The following CNBD1 variants were observed in gnomAD, a reference collection of about 807,000 sequenced individuals.
CNBD1 encodes the protein cyclic nucleotide-binding domain-containing protein 1.
Under a neutral mutation model 54.4 loss-of-function variants are expected in CNBD1, and 71 were observed. The observed-to-expected ratio is 1.30, with a 90% CI of 1.08 to 1.59. The LOEUF (loss-of-function observed/expected upper bound fraction) is 1.59. Ranked by LOEUF, CNBD1 falls within the 40% of genes most tolerant of loss-of-function variation. The pLI, the probability that CNBD1 is intolerant of heterozygous loss-of-function variation, is 0.00. For missense variants in CNBD1, 659 were observed against 518.0 expected (o/e 1.27, Z -2.64); for synonymous variants, 182 against 170.7 (o/e 1.07, Z -0.51).
intron 5 of CNBD1, among the ~76,000 whole-genome samples, chr8:87,231,807 T>A (rs1391554629): frequency 1.3e-5 from 2 of 152,158 alleles, no homozygotes; most frequent in Admixed American, 1.3e-4. Flanking sequence ...TGCATATGTA[T>A]ACCTTAAATG....
chr8:87,048,728 C>T (rs1810252036), intron 4 of CNBD1, among the ~76,000 whole-genome samples: 1 of 152,128 alleles, frequency 6.6e-6, no homozygotes, highest in South Asian at 2.1e-4. Flanking sequence ...ATGGAATGCC[C>T]CTTACTTTTG....
intron 4 of CNBD1, among the ~76,000 whole-genome samples, chr8:86,958,390 C>T (rs1807835084): frequency 6.6e-6 from 1 of 152,152 alleles, no homozygotes; most frequent in Non-Finnish European, 1.5e-5. Flanking sequence ...TCCACATTAA[C>T]TTCCTGTCTT....
At chr8:87,134,234 A>T (rs1399583914) in intron 4 of CNBD1, among the ~76,000 whole-genome samples, 1 of 152,168 alleles carries the variant, frequency 6.6e-6, no homozygotes, top group Non-Finnish European at 1.5e-5. Flanking sequence ...GATTAATATT[A>T]TTCATCAATG....
chr8:87,409,318 C>A (rs1412520767), intron 2 of CNBD1, among the ~76,000 whole-genome samples: 1 of 152,082 alleles, frequency 6.6e-6, no homozygotes, highest in Non-Finnish European at 1.5e-5. Context: ...GCATCTAGAG[C>A]AAGGTCCTAA....
chr8:87,327,964 A>G (rs535458092), intron 8 of CNBD1, among the ~76,000 whole-genome samples: 8 of 151,466 alleles, frequency 5.3e-5, no homozygotes, highest in African/African-American at 1.9e-4. Context: ...GTTGATATCC[A>G]GTTTTTCTTT....
intron 6 of CNBD1, among the ~76,000 whole-genome samples, chr8:87,261,943 C>T (rs1315717074): frequency 6.9e-6 from 1 of 145,072 alleles, no homozygotes; most frequent in Non-Finnish European, 1.5e-5. Flanking sequence ...CTCAGGAGTT[C>T]AAGACTAGTC....
In CNBD1 at chr8:87,221,637, T is replaced by C. The variant is rs142169348; in HGVS notation, c.578-15282T>C. ...ATCATTTTATGTACTCATTTAAGGA[T>C]GTTTGCCTTGTATTGCCTCTTATAA... is the stretch of plus-strand genomic sequence containing the variant. On this transcript the variant is annotated intron_variant, in intron 5 of 10. Coordinates refer to ENST00000518476, the MANE Select transcript of CNBD1 (RefSeq NM_173538.3). Among the ~76,000 whole-genome samples the C allele has an allele frequency of 5.8e-4, 88 of 152,266 alleles. 1 individual carries two copies. The highest frequency in any genetic ancestry group is 4.2e-3 in the Admixed American group (64 of 15,284).
At chr8:87,296,822 T>C (rs1227908752) in intron 8 of CNBD1, among the ~76,000 whole-genome samples, 1 of 152,002 alleles carries the variant, frequency 6.6e-6, no homozygotes, top group Admixed American at 6.6e-5. Flanking sequence ...GGCTGACACT[T>C]ACAGAAATAT....
intron 10 of CNBD1, among the ~76,000 whole-genome samples, chr8:87,354,042 T>A (rs557614769): frequency 5.9e-5 from 9 of 152,130 alleles, no homozygotes; most frequent in African/African-American, 2.2e-4. Context: ...GATGCCGAGG[T>A]TTGATGCAGG....
chr8:87,188,767 A>T (rs1246756303), intron 4 of CNBD1, among the ~76,000 whole-genome samples: 3 of 150,948 alleles, frequency 2.0e-5, no homozygotes, highest in Non-Finnish European at 2.9e-5. Context: ...AAAAAAATAA[A>T]AATAAAAAAT....
chr8:87,423,684 T>G (rs1242436659), intron 2 of CNBD1, among the ~76,000 whole-genome samples: 1 of 150,030 alleles, frequency 6.7e-6, no homozygotes, highest in Non-Finnish European at 1.5e-5. Flanking sequence ...TTGCCAGTAT[T>G]TTATTGAGGA....
At chr8:87,410,927 G>C (rs913858458) in intron 2 of CNBD1, among the ~76,000 whole-genome samples, 2 of 151,446 alleles carry the variant, frequency 1.3e-5, no homozygotes, top group Non-Finnish European at 2.9e-5. Flanking sequence ...ATGATTGTTA[G>C]CATTTTTTTA....
rs1187337432 is a variant in CNBD1 at position 87,378,425 on chromosome 8, T to G, written c.1304-4195T>G. Among the ~76,000 whole-genome samples the G allele has an allele frequency of 4.4e-3, 660 of 150,782 alleles. 12 individuals carry two copies. The highest frequency in any genetic ancestry group is 0.011 in the African/African-American group (446 of 40,370). ...TTAAATAGGGAATCCTTTCCCCATT[T>G]CTTGTTTTTCTCAGGTTTTTCAAAG... On this transcript the variant is annotated intron_variant, in intron 10 of 10. Transcript: ENST00000518476.
chr8:86,995,724 G>C (rs1044319031), intron 4 of CNBD1, among the ~76,000 whole-genome samples: 1 of 151,870 alleles, frequency 6.6e-6, no homozygotes, highest in African/African-American at 2.4e-5. Context: ...GAGAGAGAGA[G>C]AGACAGAGAG....
intron 4 of CNBD1, among the ~76,000 whole-genome samples, chr8:87,057,868 C>A (rs984940410): frequency 6.6e-6 from 1 of 151,266 alleles, no homozygotes; most frequent in Non-Finnish European, 1.5e-5. Flanking sequence ...TAAACAAAGA[C>A]ACACACACAC....
intron 3 of CNBD1, among the ~76,000 whole-genome samples, chr8:86,924,563 T>C (rs1040988275): frequency 1.3e-5 from 2 of 152,190 alleles, no homozygotes; most frequent in Admixed American, 6.5e-5. Flanking sequence ...ATGGAAATTA[T>C]TCATTCCTGG....
In CNBD1 at chr8:87,321,382, G is replaced by A. The variant is rs138262560; in HGVS notation, c.1043-30303G>A. ...TTGTTTGCTTGTTTGTTTGATTGTG[G>A]CCATCCCAACACCTGTAAGGCAATA... On this transcript the variant is annotated intron_variant, in intron 8 of 10. Coordinates refer to ENST00000518476, the MANE Select transcript of CNBD1 (RefSeq NM_173538.3). 5.4e-4 allele frequency among the ~76,000 whole-genome samples: 82 copies of A among 152,144 alleles called. 1 individual carries two copies. The highest frequency in any genetic ancestry group is 1.6e-3 in the African/African-American group (67 of 41,498).
chr8:86,892,261 G>C (rs1021821466), intron 2 of CNBD1, among the ~76,000 whole-genome samples: 1 of 151,850 alleles, frequency 6.6e-6, no homozygotes, highest in African/African-American at 2.4e-5. Flanking sequence ...TATTAACAAA[G>C]GTCAAATACT....
At chr8:87,063,554 A>G (rs1022544727) in intron 4 of CNBD1, among the ~76,000 whole-genome samples, 10 of 152,066 alleles carry the variant, frequency 6.6e-5, no homozygotes, top group African/African-American at 2.4e-4. Context: ...GATATCTGAT[A>G]ATATTGTGAA....
Sources: gnomAD v4.1 joint callset for allele counts (sites outside exome capture counted in the v4.1 genomes callset) on GRCh38, gnomAD v4.1.1 for gene constraint, MANE v1.5 for transcripts, NCBI Gene and HGNC (gene_info 2026-07-23, HGNC 2026-07-21) for gene names.